Variants in RPH3AL observed in about 807,000 individuals in gnomAD.
RPH3AL encodes the protein rab effector Noc2.
A neutral mutation model predicts 43.1 loss-of-function variants in RPH3AL; 38 were observed. The ratio of observed to expected loss-of-function variants is 0.88; its 90% CI spans 0.68 to 1.15. The LOEUF is 1.15. RPH3AL is among the 50% of genes most tolerant of loss of function. The pLI, the probability that RPH3AL is intolerant of heterozygous loss-of-function variation, is 0.00. For synonymous variants in RPH3AL, 189 were observed against 176.3 expected (o/e 1.07, Z -0.57); for missense variants, 462 against 423.2 (o/e 1.09, Z -0.81).
Position 212,712 on chromosome 17 carries a change from C to A in RPH3AL, c.*1140G>T, listed in dbSNP as rs1012939387. On this transcript the variant is annotated 3_prime_UTR_variant, in exon 10 of 10. Transcript: ENST00000331302. ...GTGTGATCACCGACACACACACACA[C>A]GTTCTCTCTCTTCAGGGAAGGGTTT... The A allele has an allele frequency of 1.3e-5, 2 of 152,014 alleles. No homozygotes were observed. Among genetic ancestry groups the A allele is most frequent in the South Asian group, 4.1e-4 (2 of 4,822 alleles). The allele number at this position is 152,014 out of a possible 1,614,324, so 9.4% of individuals were successfully genotyped here. A position where few individuals can be genotyped will look rare whatever the true frequency, so the allele number is the denominator to read the frequency against.
At chr17:259,304 T>C (rs908746911) in intron 6 of RPH3AL, among the ~76,000 whole-genome samples, 1 of 152,282 alleles carries the variant, frequency 6.6e-6, no homozygotes, top group East Asian at 1.9e-4. Context: ...TAAAACACAC[T>C]GTCAGTATTT....
In RPH3AL at chr17:215,042, A is replaced by G. The variant is rs549928105; in HGVS notation, c.876+612T>C. On this transcript the variant is annotated intron_variant, in intron 9 of 9. Transcript: ENST00000331302. This position sits in a 1 kb window ranked among gnomAD's most constrained non-coding sequence, Gnocchi z 4.1. ...TGGGTGGCTGCCGGGTGCCCTCCAC[A>G]CCCCGGGGACGGAGATCAGCTGCTG... 6.4e-4 allele frequency among the ~76,000 whole-genome samples: 97 copies of G among 152,184 alleles called. No individual in the cohort carries two copies. The highest frequency in any genetic ancestry group is 1.5e-4 in the Non-Finnish European group (10 of 67,996).
intron 5 of RPH3AL, among the ~76,000 whole-genome samples, chr17:314,133 G>T (rs564188538): frequency 1.3e-5 from 2 of 152,178 alleles, no homozygotes; most frequent in Non-Finnish European, 2.9e-5. Context: ...TGTACTAACC[G>T]TTGCACAGCC....
chr17:336,099 CCG>C (rs1224461946), intron 1 of RPH3AL: 6 of 65,744 alleles, frequency 9.1e-5, no homozygotes, highest in African/African-American at 2.8e-4. Context: ...TGCCACCGAG[CCG>C]GTGCTTCCCG....
chr17:294,190 G>C (rs1474614558), intron 5 of RPH3AL, among the ~76,000 whole-genome samples: 2 of 152,074 alleles, frequency 1.3e-5, no homozygotes, highest in African/African-American at 4.8e-5. Context: ...TGTGAGGTGT[G>C]AGGAGTGCTG....
intron 6 of RPH3AL, among the ~76,000 whole-genome samples, chr17:278,794 A>C (rs1011682193): frequency 8.5e-5 from 13 of 152,178 alleles, no homozygotes; most frequent in African/African-American, 3.1e-4. Flanking sequence ...TCAGCTGCCT[A>C]CATGAATAAA....
At chr17:253,257 G>C (rs920264884) in intron 6 of RPH3AL, among the ~76,000 whole-genome samples, 1 of 152,182 alleles carries the variant, frequency 6.6e-6, no homozygotes, top group South Asian at 2.1e-4. Context: ...CGCCCAGCCA[G>C]TCAAGGCCCT....
chr17:240,894 T>C (rs2041513487), intron 7 of RPH3AL, among the ~76,000 whole-genome samples: 1 of 150,816 alleles, frequency 6.6e-6, no homozygotes, highest in Non-Finnish European at 1.5e-5. Flanking sequence ...CTGTCTCTAC[T>C]AAACATACAA....
At chr17:317,376 A>T (rs1156659719) in intron 5 of RPH3AL, among the ~76,000 whole-genome samples, 2 of 147,094 alleles carry the variant, frequency 1.4e-5, no homozygotes, top group Admixed American at 6.8e-5. Flanking sequence ...ATTGACCTGT[A>T]GTCCCTGTGG....
chr17:336,867 G>A (rs1187734988), intron 1 of RPH3AL, among the ~76,000 whole-genome samples: 11 of 152,096 alleles, frequency 7.2e-5, no homozygotes, highest in Non-Finnish European at 1.5e-4. Flanking sequence ...TTTGGTTCAC[G>A]CTGTCTACCT....
At chr17:314,202 G>T (rs1252935735) in intron 5 of RPH3AL, among the ~76,000 whole-genome samples, 1 of 152,164 alleles carries the variant, frequency 6.6e-6, no homozygotes, top group African/African-American at 2.4e-5. Context: ...AGTGGGCCAG[G>T]ATCTGTGCCT....
At chr17:294,748 C>T (rs1280628493) in intron 5 of RPH3AL, among the ~76,000 whole-genome samples, 2 of 48,450 alleles carry the variant, frequency 4.1e-5, no homozygotes, top group East Asian at 5.1e-4. Context: ...CAGAAATGGA[C>T]GGGCAGAGGG....
rs1410342581 is a variant in RPH3AL at position 332,935 on chromosome 17, G to A, written c.-37+824C>T. The A allele has an allele frequency of 7.4e-6, 8 of 1,076,250 alleles. No homozygotes were observed. The East Asian group carries it at 2.4e-4, about 32-fold the overall frequency. The allele number at this position is 1,076,250 out of a possible 1,614,324, so 66.7% of individuals were successfully genotyped here. ...TACAGGGACTAGGAGGACCCGAGGG[G>A]TACAGGGAACGGAACAGGAGTTGCC... is the stretch of plus-strand genomic sequence containing the variant. On this transcript the variant is annotated intron_variant, in intron 2 of 9. Coordinates refer to ENST00000331302, the MANE Select transcript of RPH3AL (RefSeq NM_006987.4).
At chr17:240,777 C>T (rs1014945495) in intron 7 of RPH3AL, among the ~76,000 whole-genome samples, 6 of 152,134 alleles carry the variant, frequency 3.9e-5, no homozygotes, top group Admixed American at 6.6e-5. Context: ...AAATCGTCTT[C>T]GGCCGGGCAC....
intron 5 of RPH3AL, among the ~76,000 whole-genome samples, chr17:286,836 G>A (rs1423305806): frequency 6.6e-5 from 10 of 152,112 alleles, no homozygotes; most frequent in African/African-American, 2.2e-4. Flanking sequence ...AACTGCGTCC[G>A]GGTGTTAAAC....
At chr17:304,136 A>G (rs111462586) in intron 5 of RPH3AL, among the ~76,000 whole-genome samples, 1 of 47,196 alleles carries the variant, frequency 2.1e-5, no homozygotes, top group African/African-American at 7.0e-5. Flanking sequence ...ATAATTATTG[A>G]GCAGTGACCG....
chr17:285,949 G>T (rs1010160705), intron 5 of RPH3AL, among the ~76,000 whole-genome samples: 9 of 152,242 alleles, frequency 5.9e-5, no homozygotes, highest in African/African-American at 2.2e-4. Flanking sequence ...GAGGGGCACA[G>T]GCCTGGCGTG....
intron 5 of RPH3AL, among the ~76,000 whole-genome samples, chr17:293,485 G>T (rs1200403343): frequency 6.6e-6 from 1 of 151,576 alleles, no homozygotes; most frequent in Non-Finnish European, 1.5e-5. Context: ...GGCTCCGGGG[G>T]TGGGGCAGCG....
At chr17:272,946 C>T (rs1019848886) in intron 6 of RPH3AL, among the ~76,000 whole-genome samples, 2 of 45,344 alleles carry the variant, frequency 4.4e-5, no homozygotes, top group African/African-American at 1.3e-4. Flanking sequence ...GGGAGAGACC[C>T]CAGCAAGGGC....
Sources: gnomAD v4.1 joint callset for allele counts (sites outside exome capture counted in the v4.1 genomes callset) on GRCh38, gnomAD v4.1.1 for gene constraint, Gnocchi (gnomAD v3.1) non-coding constraint, MANE v1.5 for transcripts, NCBI Gene and HGNC (gene_info 2026-07-23, HGNC 2026-07-21) for gene names.